ZNF385D: variants seen among roughly 807,000 people sequenced by gnomAD.
ZNF385D encodes the protein zinc finger protein 385D, also known as zinc finger protein 659.
A neutral mutation model predicts 35.8 loss-of-function variants in ZNF385D; 15 were observed. The ratio of observed to expected loss-of-function variants is 0.42; its 90% CI spans 0.28 to 0.64. The LOEUF is 0.64. Among genes scored for constraint, ZNF385D ranks in the 30% least tolerant of loss-of-function variants. The pLI, the probability that ZNF385D is intolerant of heterozygous loss-of-function variation, is 0.23. For missense variants in ZNF385D, 474 were observed against 494.6 expected (o/e 0.96, Z 0.39); for synonymous variants, 212 against 186.8 (o/e 1.13, Z -1.10).
At chr3:21,613,342 T>TAAA (rs11434152) in intron 2 of ZNF385D, among the ~76,000 whole-genome samples, 7 of 144,294 alleles carry the variant, frequency 4.9e-5, no homozygotes, top group African/African-American at 1.8e-4. Context: ...AGTCAGAAGA[T>TAAA]AAAAAAAAAA....
At chr3:22,089,664 AG>A (rs1359411727) in intron 3 of ZNF385D, among the ~76,000 whole-genome samples, 3 of 152,094 alleles carry the variant, frequency 2.0e-5, no homozygotes, top group South Asian at 2.1e-4. Context: ...GCCCTGAGTA[AG>A]GGGGGGATTT....
intron 2 of ZNF385D, among the ~76,000 whole-genome samples, chr3:22,201,201 C>A (rs909984425): frequency 2.0e-5 from 3 of 152,112 alleles, no homozygotes; most frequent in Non-Finnish European, 2.9e-5. Flanking sequence ...ATTTGGGGAA[C>A]TAATAAATGT....
At chr3:21,792,307 G>C (rs2071963438) in intron 3 of ZNF385D, among the ~76,000 whole-genome samples, 1 of 152,100 alleles carries the variant, frequency 6.6e-6, no homozygotes, top group Non-Finnish European at 1.5e-5. Context: ...GAGATTTATT[G>C]AGTTGTGACA....
intron 3 of ZNF385D, among the ~76,000 whole-genome samples, chr3:22,138,840 T>C (rs930839525): frequency 2.6e-5 from 4 of 151,944 alleles, no homozygotes; most frequent in Non-Finnish European, 5.9e-5. Flanking sequence ...ACTAAAGAGC[T>C]TCTGCACAGC....
rs772159002 is a variant in ZNF385D, at chr3:21,437,180, T to G, written c.463A>C (p.Ile155Leu). ...KTDGTAGTPA[I>L]STTTTVEIRK... ...ATTTCCACAGTTGTCGTCGTTGATATTGCTGGTGTCCCTGCAGTACCGTCT... is the reference window on the plus strand; with the variant it reads ...ATTTCCACAGTTGTCGTCGTTGATAGTGCTGGTGTCCCTGCAGTACCGTCT... Residue 155 changes from isoleucine (I) to leucine (L), a missense_variant, in exon 5 of 8, where the codon ATA (isoleucine) becomes CTA (leucine). Physicochemically the swap from Ile to Leu is conservative, Grantham distance 5. Transcript: ENST00000281523. The G allele has an allele frequency of 5.6e-6, 9 of 1,613,678 alleles. No individual in the cohort carries two copies. In the East Asian group the frequency reaches 2.0e-4, roughly 36 times the overall value.
chr3:21,484,862 T>G (rs374339885), intron 4 of ZNF385D, among the ~76,000 whole-genome samples: 2 of 152,120 alleles, frequency 1.3e-5, no homozygotes, highest in African/African-American at 4.8e-5. Flanking sequence ...CTGAACCCAT[T>G]GGTACTTCTA....
At chr3:21,926,637 A>G (rs1180713534) in intron 3 of ZNF385D, among the ~76,000 whole-genome samples, 1 of 152,138 alleles carries the variant, frequency 6.6e-6, no homozygotes, top group African/African-American at 2.4e-5. Context: ...TACACCTTAT[A>G]CAAAAATTAA....
chr3:21,995,199 G>C (rs576825145), intron 3 of ZNF385D, among the ~76,000 whole-genome samples: 1 of 152,338 alleles, frequency 6.6e-6, no homozygotes, highest in Non-Finnish European at 1.5e-5. Context: ...CCAGACCTCA[G>C]GCCTCCAGGT....
At chr3:21,763,164 C>G (rs2070692533) in intron 3 of ZNF385D, among the ~76,000 whole-genome samples, 1 of 152,094 alleles carries the variant, frequency 6.6e-6, no homozygotes, top group Non-Finnish European at 1.5e-5. Context: ...ACCTTCTCTC[C>G]AGAGACCTGT....
intron 3 of ZNF385D, among the ~76,000 whole-genome samples, chr3:21,840,757 G>A (rs767657321): frequency 2.6e-5 from 4 of 151,832 alleles, no homozygotes; most frequent in African/African-American, 7.3e-5. Context: ...TGGTTGGACC[G>A]CACTTTTTTT....
chr3:21,737,302 A>G lies in ZNF385D; in HGVS notation c.22+13593T>C, dbSNP rs529044735. 6.6e-5 allele frequency among the ~76,000 whole-genome samples: 10 copies of G among 152,356 alleles called. No individual in the cohort carries two copies. In the East Asian group the frequency reaches 1.9e-3, roughly 29 times the overall value. On this transcript the variant is annotated intron_variant, in intron 1 of 7. Coordinates refer to ENST00000281523, the MANE Select transcript of ZNF385D (RefSeq NM_024697.3). ...TAGTCATTGTTTTTACTAGTAAAAT[A>G]ATAGAAATAACTTATTTTTTGAAGG...
intron 2 of ZNF385D, among the ~76,000 whole-genome samples, chr3:22,253,075 A>G (rs544086096): frequency 1.3e-5 from 2 of 152,188 alleles, no homozygotes; most frequent in South Asian, 4.1e-4. Context: ...GAAGATGACA[A>G]AGGAGAAGGT....
intron 3 of ZNF385D, among the ~76,000 whole-genome samples, chr3:22,161,050 T>C (rs1705917003): frequency 6.6e-6 from 1 of 152,120 alleles, no homozygotes; most frequent in Non-Finnish European, 1.5e-5. Context: ...TCCCTTATGA[T>C]ACTTTAATAC....
intron 3 of ZNF385D, among the ~76,000 whole-genome samples, chr3:21,954,507 A>G (rs909308290): frequency 6.6e-6 from 1 of 152,054 alleles, no homozygotes; most frequent in Non-Finnish European, 1.5e-5. Flanking sequence ...ATTTTGCAGC[A>G]ATTTTAGTGT....
chr3:22,371,311 C>G (rs1696894411), intron 2 of ZNF385D, among the ~76,000 whole-genome samples: 1 of 152,168 alleles, frequency 6.6e-6, no homozygotes, highest in East Asian at 1.9e-4. Flanking sequence ...CAAACAGACT[C>G]AGCAGAACAG....
At chr3:21,767,052 T>C (rs2070858847) in intron 3 of ZNF385D, among the ~76,000 whole-genome samples, 1 of 152,000 alleles carries the variant, frequency 6.6e-6, no homozygotes, top group Non-Finnish European at 1.5e-5. Flanking sequence ...TTAAATAATG[T>C]GCGTACAACC....
chr3:22,134,545 T>G (rs953734910), intron 3 of ZNF385D, among the ~76,000 whole-genome samples: 4 of 152,096 alleles, frequency 2.6e-5, no homozygotes, highest in Admixed American at 1.3e-4. Context: ...CACCAAACAG[T>G]GGCAGAATAC....
At chr3:22,145,512 T>G (rs751430974) in intron 3 of ZNF385D, among the ~76,000 whole-genome samples, 1 of 152,208 alleles carries the variant, frequency 6.6e-6, no homozygotes, top group Non-Finnish European at 1.5e-5. Context: ...CTAGTAAGAC[T>G]AATGACACAT....
intron 3 of ZNF385D, among the ~76,000 whole-genome samples, chr3:21,784,772 A>G (rs1225509698): frequency 6.6e-6 from 1 of 152,140 alleles, no homozygotes; most frequent in Non-Finnish European, 1.5e-5. Flanking sequence ...AGAAAATATC[A>G]AAATTTTAAA....
Sources: allele counts gnomAD v4.1 joint callset (sites outside exome capture counted in the v4.1 genomes callset), GRCh38; gene constraint gnomAD v4.1.1; transcripts MANE v1.5; gene names NCBI Gene and HGNC (gene_info 2026-07-23, HGNC 2026-07-21).